The following KIF3B variants were observed in gnomAD, a reference collection of about 807,000 sequenced individuals.
KIF3B encodes the protein kinesin family member 3B, also known as kinesin-like protein KIF3B.
Under a neutral mutation model 74.3 loss-of-function variants are expected in KIF3B, and 38 were observed. That is an observed-to-expected ratio of 0.51 (90% CI 0.39 to 0.67). The LOEUF (loss-of-function observed/expected upper bound fraction) is 0.67, where lower values mean the gene tolerates loss of function less well. KIF3B is among the 30% of genes least tolerant of loss of function. KIF3B has a pLI of 0.00. For synonymous variants in KIF3B, 326 were observed against 342.5 expected (o/e 0.95, Z 0.53); for missense variants, 649 against 932.0 (o/e 0.70, Z 3.95).
intron 1 of KIF3B, among the ~76,000 whole-genome samples, chr20:32,295,715 T>C (rs1263385573): frequency 1.3e-5 from 2 of 152,140 alleles, no homozygotes; most frequent in Admixed American, 1.3e-4. Context: ...ACATTTACCT[T>C]AGAAAGTTAA....
At chr20:32,285,565 G>A (rs1242437849) in intron 1 of KIF3B, among the ~76,000 whole-genome samples, 4 of 152,146 alleles carry the variant, frequency 2.6e-5, no homozygotes, top group South Asian at 2.1e-4. Flanking sequence ...AGGATGGTGG[G>A]AACTGGGTAA....
intron 1 of KIF3B, among the ~76,000 whole-genome samples, chr20:32,293,759 G>A (rs1371887615): frequency 1.3e-5 from 2 of 151,614 alleles, no homozygotes; most frequent in African/African-American, 4.8e-5. Context: ...AGATGAAGGA[G>A]CAATGCAGAT....
chr20:32,310,772 G>A lies in KIF3B; in HGVS notation c.995G>A (p.Arg332Gln), dbSNP rs1430775797. 10 of 1,614,036 alleles carry A rather than the reference G, an allele frequency of 6.2e-6. No individual in the cohort carries two copies. The highest frequency in any genetic ancestry group is 1.3e-5 in the African/African-American group (1 of 74,924). The part of the protein sequence containing the change: ...YNVEETLTTL[R>Q]YANRAKNIKN... ...GTAGAAGAGACTCTGACCACTCTGC[G>A]ATATGCCAACCGTGCCAAAAACATT... The change falls in exon 2 of 9, where the codon CGA becomes CAA. Residue 332 changes from arginine (R) to glutamine (Q), a missense_variant. Physicochemically the swap from Arg to Gln is conservative, Grantham distance 43. Coordinates refer to ENST00000375712, the MANE Select transcript of KIF3B (RefSeq NM_004798.4). This position sits in a 1 kb window ranked among gnomAD's most constrained non-coding sequence, Gnocchi z 6.5.
intron 1 of KIF3B, among the ~76,000 whole-genome samples, chr20:32,298,724 A>C (rs2047727916): frequency 6.7e-6 from 1 of 149,832 alleles, no homozygotes; most frequent in Non-Finnish European, 1.5e-5. Flanking sequence ...TCTGGAGTGC[A>C]GTGGTACAAT....
At chr20:32,315,644 T>G (rs1399643489) in intron 2 of KIF3B, among the ~76,000 whole-genome samples, 1 of 152,050 alleles carries the variant, frequency 6.6e-6, no homozygotes, top group Non-Finnish European at 1.5e-5. Context: ...ACTAAGGAGG[T>G]CAAGGCTGCA....
rs1049246999 is a variant in KIF3B, at chr20:32,309,732, A to G, written c.-46A>G. The G allele has an allele frequency of 1.2e-5, 19 of 1,576,642 alleles. No homozygotes were observed. In the African/African-American group the frequency reaches 2.2e-4, roughly 18 times the overall value. On this transcript the variant is annotated 5_prime_UTR_variant, in exon 2 of 9. Transcript: ENST00000375712. ...CTCTAGGACCGTAGCATCCTGAGAC[A>G]TTTTGAATTGACACTTCTCAAGATT...
intron 1 of KIF3B, among the ~76,000 whole-genome samples, chr20:32,307,839 A>C (rs1482773426): frequency 6.6e-6 from 1 of 151,002 alleles, no homozygotes; most frequent in Non-Finnish European, 1.5e-5. Flanking sequence ...GAATGGCATG[A>C]ACCCAGGAGG....
intron 2 of KIF3B, among the ~76,000 whole-genome samples, chr20:32,315,713 T>C (rs1210154951): frequency 6.6e-6 from 1 of 152,082 alleles, no homozygotes; most frequent in Non-Finnish European, 1.5e-5. Flanking sequence ...ACCCTGTCTT[T>C]AAAAAATTTT....
At chr20:32,323,469 G>C (rs1176645879) in intron 5 of KIF3B, among the ~76,000 whole-genome samples, 14 of 151,702 alleles carry the variant, frequency 9.2e-5, no homozygotes, top group Admixed American at 8.6e-4. Context: ...GCGCGGTCTC[G>C]GCTCACTGCA....
intron 1 of KIF3B, among the ~76,000 whole-genome samples, chr20:32,287,619 C>T (rs1388381585): frequency 6.6e-6 from 1 of 152,186 alleles, no homozygotes; most frequent in African/African-American, 2.4e-5. Context: ...CTACGCCTTG[C>T]TGTGTTTTTG....
rs1309661848 is a variant in KIF3B, at chr20:32,333,864, C to G, written c.*2545C>G. 1 of 152,494 alleles carries G rather than the reference C, an allele frequency of 6.6e-6. No homozygotes were observed. The highest frequency in any genetic ancestry group is 2.4e-5 in the African/African-American group (1 of 41,388). 9.4% of individuals were successfully genotyped at this position (152,494 alleles called of 1,614,324 possible). ...AAGACTCATTTGGAAATGAAGCTGT[C>G]CCTTTCCAAGCAGTCTCTGGTGCTT... is the stretch of plus-strand genomic sequence containing the variant. On this transcript the variant is annotated 3_prime_UTR_variant, in exon 9 of 9. Transcript: ENST00000375712.
rs748453666 is a variant in KIF3B at position 32,316,514 on chromosome 20, T to G, written c.1507-13T>G. 3 of 1,613,798 alleles carry G rather than the reference T, an allele frequency of 1.9e-6. No individual in the cohort carries two copies. The highest frequency in any genetic ancestry group is 2.5e-6 in the Non-Finnish European group (3 of 1,179,856). On this transcript the variant is annotated splice_polypyrimidine_tract_variant and intron_variant, in intron 3 of 8. Coordinates refer to ENST00000375712, the MANE Select transcript of KIF3B (RefSeq NM_004798.4). ...CTCTAGGGCAAGCTGATGAATTTTG[T>G]CATGTTGCTCAGAAACGTCGAGAAA... is the stretch of plus-strand genomic sequence containing the variant.
Position 32,316,067 on chromosome 20 carries a change from A to C in KIF3B, c.1405-151A>C, listed in dbSNP as rs2047825801. On this transcript the variant is annotated intron_variant, in intron 2 of 8. Coordinates refer to ENST00000375712, the MANE Select transcript of KIF3B (RefSeq NM_004798.4). ...TGCCCCAGTCCCTCACCAGTGATGG[A>C]TGGGCACAGCTGAGCACAGTGTATT... 7 of 574,146 alleles carry C rather than the reference A, an allele frequency of 1.2e-5. No individual in the cohort carries two copies. In the East Asian group the frequency reaches 1.9e-4, roughly 16 times the overall value. 35.6% of individuals were successfully genotyped at this position (574,146 alleles called of 1,614,324 possible). A position where few individuals can be genotyped will look rare whatever the true frequency, so the allele number is the denominator to read the frequency against.
chr20:32,326,954 C>T (rs2047906927), intron 6 of KIF3B, 70 bp downstream of exon 6: 2 of 782,580 alleles, frequency 2.6e-6, no homozygotes, highest in Non-Finnish European at 2.1e-6. Flanking sequence ...AACAAGAGCC[C>T]TCTGGTCAAC....
intron 5 of KIF3B, among the ~76,000 whole-genome samples, chr20:32,322,764 A>ATATT (rs1360500631): frequency 0.015 from 572 of 39,028 alleles, 12 homozygotes; most frequent in East Asian, 0.017. Flanking sequence ...ATATTTATAT[A>ATATT]TATTTATATA....
chr20:32,287,985 T>C (rs1309794971), intron 1 of KIF3B, among the ~76,000 whole-genome samples: 1 of 145,004 alleles, frequency 6.9e-6, no homozygotes, highest in Admixed American at 7.2e-5. Context: ...TGGGTTCAAG[T>C]GATTCTCCTG....
At chr20:32,315,194 T>C (rs75937346) in intron 2 of KIF3B, among the ~76,000 whole-genome samples, 106 of 152,324 alleles carry the variant, frequency 7.0e-4, no homozygotes, top group Middle Eastern at 3.4e-3. Context: ...CACATCTGAT[T>C]GTGTAGCCTC....
rs767463571 is a variant in KIF3B at position 32,310,617 on chromosome 20, T to C, written c.840T>C (p.Ser280=). Residue 280 remains serine (S), a synonymous_variant, in exon 2 of 9, where the codon TCT becomes TCC. Transcript: ENST00000375712. This position sits in a 1 kb window ranked among gnomAD's most constrained non-coding sequence, Gnocchi z 6.5. ...LSLSALGNVI[S]ALVDGKSTHI... The stretch of plus-strand genomic sequence containing the variant: ...TTTCCGCTTTGGGTAATGTCATCTC[T>C]GCTCTAGTGGACGGCAAAAGCACTC... 5.6e-6 allele frequency: 9 copies of C among 1,614,050 alleles called. No individual in the cohort carries two copies. The highest frequency in any genetic ancestry group is 3.3e-4 in the Middle Eastern group (2 of 6,084).
intron 5 of KIF3B, among the ~76,000 whole-genome samples, chr20:32,318,205 G>A (rs2047838015): frequency 1.3e-5 from 2 of 152,004 alleles, no homozygotes; most frequent in Non-Finnish European, 1.5e-5. Flanking sequence ...AGGAGGCTGA[G>A]GCAGGAGAAT....
Sources: gnomAD v4.1 joint callset for allele counts (sites outside exome capture counted in the v4.1 genomes callset) on GRCh38, gnomAD v4.1.1 for gene constraint, Gnocchi (gnomAD v3.1) non-coding constraint, MANE v1.5 for transcripts, NCBI Gene and HGNC (gene_info 2026-07-23, HGNC 2026-07-21) for gene names.